Variants in SRPK2 observed in about 807,000 individuals in gnomAD.
SRPK2 encodes SRSF protein kinase 2, also known as SFRS protein kinase 2.
In SRPK2, 21 loss-of-function variants were observed where a neutral mutation model predicts 90.8. That is an observed-to-expected ratio of 0.23 (90% CI 0.16 to 0.33). The LOEUF (loss-of-function observed/expected upper bound fraction) is 0.33. SRPK2 is among the 10% of genes least tolerant of loss of function. The pLI, the probability that SRPK2 is intolerant of heterozygous loss-of-function variation, is 1.00. For missense variants in SRPK2, 620 were observed against 869.0 expected (o/e 0.71, Z 3.60); for synonymous variants, 288 against 311.1 (o/e 0.93, Z 0.78).
At chr7:105,145,154 T>G (rs1804399849) in intron 9 of SRPK2, 129 bp downstream of exon 9, 2 of 542,676 alleles carry the variant, frequency 3.7e-6, no homozygotes, top group South Asian at 5.8e-5. Flanking sequence ...TCTTACCTAT[T>G]TGAGGATACA....
chr7:105,163,138 G>A (rs149688810), intron 6 of SRPK2, among the ~76,000 whole-genome samples: 2 of 152,290 alleles, frequency 1.3e-5, no homozygotes, highest in East Asian at 1.9e-4. Flanking sequence ...TGGAAAATGT[G>A]TATTTTGAAA....
chr7:105,115,817 A>G (rs184110896), downstream of SRPK2, among the ~76,000 whole-genome samples: 35 of 152,302 alleles, frequency 2.3e-4, 1 homozygote, highest in East Asian at 3.3e-3. Flanking sequence ...ACCCTGATAA[A>G]AATCCTTTTA....
At position 105,168,071 on chromosome 7, in the gene SRPK2, T is replaced by C. The variant is rs1232458065; in HGVS notation, c.363A>G (p.Lys121=). 1.2e-6 allele frequency: 2 copies of C among 1,612,574 alleles called. No individual in the cohort carries two copies. Among genetic ancestry groups the C allele is most frequent in the Admixed American group, 1.7e-5 (1 of 59,880 alleles). The change falls in exon 5 of 16, where the codon AAA becomes AAG. Residue 121 remains lysine (K), a synonymous_variant. Coordinates refer to ENST00000393651, the MANE Select transcript of SRPK2 (RefSeq NM_182692.3). ...DMQGKRFVAM[K]VVKSAQHYTE... ...TATAATGCTGGGCACTTTTTACAAC[T>C]TTCATTGCAACAAATCTTTTCCCCC...
Position 105,206,368 on chromosome 7 carries a change from T to G in SRPK2, c.72-2583A>C, listed in dbSNP as rs182260674. The G allele has an allele frequency of 1.6e-5, 3 of 185,144 alleles. No homozygotes were observed. In the East Asian group the frequency reaches 4.1e-4, roughly 26 times the overall value. The allele number at this position is 185,144 out of a possible 1,614,324, so 11.5% of individuals were successfully genotyped here. A position where few individuals can be genotyped will look rare whatever the true frequency, so the allele number is the denominator to read the frequency against. On this transcript the variant is annotated intron_variant, in intron 2 of 15. Coordinates refer to ENST00000393651, the MANE Select transcript of SRPK2 (RefSeq NM_182692.3). ...CACTTGAGAGATTCCCGCACCTTCA[T>G]TATAATGTCTCTCTCACTTACTCTT...
chr7:105,128,367 G>C (rs1801505000), intron 13 of SRPK2, among the ~76,000 whole-genome samples: 1 of 152,114 alleles, frequency 6.6e-6, no homozygotes, highest in African/African-American at 2.4e-5. Context: ...GATGCACGAA[G>C]GCACCAGCAG....
intron 2 of SRPK2, among the ~76,000 whole-genome samples, chr7:105,334,863 ATTAAC>A (rs1419865985): frequency 1.1e-4 from 16 of 150,480 alleles, no homozygotes; most frequent in Non-Finnish European, 2.1e-4. Context: ...AAAAAAATTA[ATTAAC>A]TTAAAGAACA....
rs1449767086 is a variant in SRPK2 at position 105,117,238 on chromosome 7, T to C, written c.*600A>G. The C allele has an allele frequency of 6.6e-6, 1 of 152,668 alleles. No homozygotes were observed. Among genetic ancestry groups the C allele is most frequent in the Non-Finnish European group, 1.5e-5 (1 of 68,160 alleles). 9.5% of individuals were successfully genotyped at this position (152,668 alleles called of 1,614,324 possible). On this transcript the variant is annotated 3_prime_UTR_variant, in exon 16 of 16. Coordinates refer to ENST00000393651, the MANE Select transcript of SRPK2 (RefSeq NM_182692.3). Reference sequence around the variant, plus strand: ...TGGAATGAAAAGTTTGCACAACTCCTTGGAGCAGTTAAAGTCCGCTACATG... The same window carrying C: ...TGGAATGAAAAGTTTGCACAACTCCCTGGAGCAGTTAAAGTCCGCTACATG...
intron 2 of SRPK2, among the ~76,000 whole-genome samples, chr7:105,241,335 C>T (rs909494241): frequency 1.3e-4 from 20 of 151,912 alleles, no homozygotes; most frequent in Non-Finnish European, 2.5e-4. Flanking sequence ...AACTGGACTC[C>T]GGAGAAGGAC....
Position 105,327,112 on chromosome 7 carries a change from G to A in SRPK2, c.71+61536C>T, listed in dbSNP as rs566630845. Among the ~76,000 whole-genome samples the A allele has an allele frequency of 3.3e-5, 5 of 150,956 alleles. No homozygotes were observed. The South Asian group carries it at 6.3e-4, about 19-fold the overall frequency. ...TTCAAGGTATAAGCAAAAGAGCCCCGATAATGAGCAATTTAGCAGCATATT... is the reference window on the plus strand; with the variant it reads ...TTCAAGGTATAAGCAAAAGAGCCCCAATAATGAGCAATTTAGCAGCATATT... On this transcript the variant is annotated intron_variant, in intron 2 of 15. Coordinates refer to ENST00000393651, the MANE Select transcript of SRPK2 (RefSeq NM_182692.3).
At chr7:105,151,500 A>G (rs1805643812) in intron 7 of SRPK2, among the ~76,000 whole-genome samples, 1 of 152,232 alleles carries the variant, frequency 6.6e-6, no homozygotes, top group Non-Finnish European at 1.5e-5. Flanking sequence ...TTGTACTGAT[A>G]TTGACTTATT....
intron 3 of SRPK2, among the ~76,000 whole-genome samples, chr7:105,193,667 A>C (rs61677699): frequency 6.6e-6 from 1 of 152,196 alleles, no homozygotes; most frequent in Non-Finnish European, 1.5e-5. Context: ...ACCTATGAGC[A>C]TGGGATGTGT....
At chr7:105,255,904 A>G (rs1370889774) in intron 2 of SRPK2, among the ~76,000 whole-genome samples, 1 of 150,716 alleles carries the variant, frequency 6.6e-6, no homozygotes, top group Non-Finnish European at 1.5e-5. Context: ...AGCCTGGGCG[A>G]TAGTGTGAGT....
At chr7:105,121,760 G>A (rs1257421544) in intron 15 of SRPK2, among the ~76,000 whole-genome samples, 1 of 152,246 alleles carries the variant, frequency 6.6e-6, no homozygotes, top group East Asian at 1.9e-4. Context: ...TGGACTTGCA[G>A]AGTCCTTCTA....
At chr7:105,229,757 T>A (rs540321283) in intron 2 of SRPK2, among the ~76,000 whole-genome samples, 1 of 149,706 alleles carries the variant, frequency 6.7e-6, no homozygotes, top group Admixed American at 6.7e-5. Flanking sequence ...AAGATCTCAA[T>A]ATTCTTTCAA....
intron 3 of SRPK2, among the ~76,000 whole-genome samples, chr7:105,191,704 T>C (rs1031505060): frequency 5.9e-5 from 9 of 152,052 alleles, no homozygotes; most frequent in African/African-American, 2.2e-4. Flanking sequence ...CAACAGATTG[T>C]TGAATAATAA....
chr7:105,116,781 A>C lies in SRPK2; in HGVS notation c.*1057T>G, dbSNP rs1313609148. The C allele has an allele frequency of 6.6e-6, 1 of 152,398 alleles. No individual in the cohort carries two copies. 9.4% of individuals were successfully genotyped at this position (152,398 alleles called of 1,614,324 possible). A position where few individuals can be genotyped will look rare whatever the true frequency, so the allele number is the denominator to read the frequency against. On this transcript the variant is annotated 3_prime_UTR_variant, in exon 16 of 16. Coordinates refer to ENST00000393651, the MANE Select transcript of SRPK2 (RefSeq NM_182692.3). ...AGTAAAATTTGTTGTAGCCACACGTAAAGCTACCTATGGAATGAATGTGAT... is the reference window on the plus strand; with the variant it reads ...AGTAAAATTTGTTGTAGCCACACGTCAAGCTACCTATGGAATGAATGTGAT...
chr7:105,272,937 G>A (rs1056190948), intron 2 of SRPK2, among the ~76,000 whole-genome samples: 17 of 152,066 alleles, frequency 1.1e-4, no homozygotes, highest in Admixed American at 1.0e-3. Flanking sequence ...TTTCCCGGCC[G>A]GGCGCGGTGG....
chr7:105,281,282 A>C (rs1032107806), intron 2 of SRPK2, among the ~76,000 whole-genome samples: 2 of 151,930 alleles, frequency 1.3e-5, no homozygotes, highest in Admixed American at 1.3e-4. Flanking sequence ...TTTTTAGTAG[A>C]GATGGGTTTC....
chr7:105,385,456 G>T (rs1437812199), intron 2 of SRPK2, among the ~76,000 whole-genome samples: 3 of 152,042 alleles, frequency 2.0e-5, no homozygotes, highest in African/African-American at 4.8e-5. Flanking sequence ...GATTACAGGC[G>T]TGAGCCACCG....
Sources: allele counts gnomAD v4.1 joint callset (sites outside exome capture counted in the v4.1 genomes callset), GRCh38; gene constraint gnomAD v4.1.1; transcripts MANE v1.5; gene names NCBI Gene and HGNC (gene_info 2026-07-23, HGNC 2026-07-21).